TMEM114: variants seen among roughly 807,000 people sequenced by gnomAD.
The protein encoded by TMEM114 is claudin-26.
A neutral mutation model predicts 6.2 loss-of-function variants in TMEM114; 6 were observed. That is an observed-to-expected ratio of 0.97 (90% CI 0.53 to 1.91). The LOEUF is 1.91. Among genes scored for constraint, TMEM114 ranks in the 40% most tolerant of loss-of-function variants. The probability of loss-of-function intolerance (pLI) is 0.01; values close to 1 mark genes in which losing one functional copy is unlikely to be tolerated. For synonymous variants in TMEM114, 104 were observed against 73.0 expected (o/e 1.42, Z -2.16); for missense variants, 218 against 158.3 (o/e 1.38, Z -2.02).
Position 8,589,715 on chromosome 16 carries a change from T to C in TMEM114, c.124A>G (p.Arg42Gly). ...AGGTCCTGCGCCCCCGGGCCAGTCC[T>C]CTCCAGCCGCTCGGTGTCAATGATA... The part of the protein sequence containing the change: ...WYIIDTERLE[R>G]TGPGAQDLLG... The change falls in exon 1 of 4, where the codon AGG becomes GGG. Residue 42 changes from arginine (R) to glycine (G), a missense_variant. By Grantham distance (125) the Arg-to-Gly change is moderately radical. Coordinates refer to ENST00000620492, the MANE Select transcript of TMEM114 (RefSeq NM_001146336.2). The C allele has an allele frequency of 2.5e-6, 1 of 398,312 alleles. No individual in the cohort carries two copies. The highest frequency in any genetic ancestry group is 4.4e-6 in the Non-Finnish European group (1 of 225,972). The allele number at this position is 398,312 out of a possible 1,614,324, so 24.7% of individuals were successfully genotyped here.
chr16:8,551,513 T>A (rs1020703848), intron 2 of TMEM114, among the ~76,000 whole-genome samples: 3 of 152,112 alleles, frequency 2.0e-5, no homozygotes, highest in Non-Finnish European at 4.4e-5. Flanking sequence ...ATTCCACAAA[T>A]AAACAGTTGG....
chr16:8,565,804 C>T (rs1901523408), downstream of TMEM114, among the ~76,000 whole-genome samples: 1 of 152,150 alleles, frequency 6.6e-6, no homozygotes, highest in South Asian at 2.1e-4. Context: ...CCCAGGTCCG[C>T]CCTCGAGGGT....
chr16:8,575,731 G>A (rs192286460), intron 2 of TMEM114, among the ~76,000 whole-genome samples: 1 of 152,160 alleles, frequency 6.6e-6, no homozygotes. Context: ...GAGGTAAAAT[G>A]GACAAACTTC....
intron 2 of TMEM114, among the ~76,000 whole-genome samples, chr16:8,556,495 C>CGTT (rs145389529): frequency 0.014 from 2,173 of 151,886 alleles, 47 homozygotes; most frequent in African/African-American, 0.049. Flanking sequence ...CTTTATTTGT[C>CGTT]GTTGTTGTTG....
At chr16:8,554,109 G>A (rs1043225546) in intron 2 of TMEM114, among the ~76,000 whole-genome samples, 1 of 152,120 alleles carries the variant, frequency 6.6e-6, no homozygotes, top group Non-Finnish European at 1.5e-5. Flanking sequence ...GAACTCCTGA[G>A]CTCAGGTGAT....
At chr16:8,560,666 C>T (rs1901169571) in intron 2 of TMEM114, among the ~76,000 whole-genome samples, 1 of 151,132 alleles carries the variant, frequency 6.6e-6, no homozygotes, top group Non-Finnish European at 1.5e-5. Flanking sequence ...CAAGTCTTCT[C>T]CTTCTGTGGG....
At chr16:8,540,333 C>G (rs1900479742) in intron 2 of TMEM114, among the ~76,000 whole-genome samples, 1 of 152,116 alleles carries the variant, frequency 6.6e-6, no homozygotes, top group South Asian at 2.1e-4. Context: ...GCCACCTGAG[C>G]AGGAATCCCA....
chr16:8,568,285 G>T (rs550535020), downstream of TMEM114, among the ~76,000 whole-genome samples: 31 of 152,278 alleles, frequency 2.0e-4, no homozygotes, highest in African/African-American at 7.2e-4. Context: ...TGCCCCCCCA[G>T]TTGCTGGTGT....
downstream of TMEM114, among the ~76,000 whole-genome samples, chr16:8,535,451 G>C (rs558616239): frequency 2.6e-5 from 4 of 152,018 alleles, no homozygotes; most frequent in East Asian, 7.7e-4. Context: ...ACATTTGAAG[G>C]GAAGTTAATA....
chr16:8,573,504 G>A (rs1397396139), intron 2 of TMEM114, among the ~76,000 whole-genome samples: 1 of 152,116 alleles, frequency 6.6e-6, no homozygotes, highest in Non-Finnish European at 1.5e-5. Flanking sequence ...AGGTTTCAGG[G>A]TCTATACCTC....
At chr16:8,543,796 A>T (rs1216595773) in intron 2 of TMEM114, among the ~76,000 whole-genome samples, 1 of 152,214 alleles carries the variant, frequency 6.6e-6, no homozygotes, top group East Asian at 1.9e-4. Context: ...AATGTCTAGG[A>T]TAGAAAATGT....
intron 2 of TMEM114, among the ~76,000 whole-genome samples, chr16:8,585,485 C>G (rs992767926): frequency 2.0e-5 from 3 of 152,182 alleles, no homozygotes; most frequent in Non-Finnish European, 4.4e-5. Flanking sequence ...AGAGAACATG[C>G]TGCTTGTCGA....
chr16:8,545,583 C>G (rs1408130745), intron 2 of TMEM114, among the ~76,000 whole-genome samples: 1 of 152,164 alleles, frequency 6.6e-6, no homozygotes, highest in African/African-American at 2.4e-5. Context: ...TACTCAAATA[C>G]AGATTGCTGG....
intron 2 of TMEM114, among the ~76,000 whole-genome samples, chr16:8,553,981 C>A (rs1010385571): frequency 2.0e-5 from 3 of 151,682 alleles, no homozygotes; most frequent in African/African-American, 7.3e-5. Flanking sequence ...CAGGTTCAAG[C>A]GATTCTCATG....
At chr16:8,539,840 C>T (rs181948331) in intron 2 of TMEM114, among the ~76,000 whole-genome samples, 1 of 152,034 alleles carries the variant, frequency 6.6e-6, no homozygotes, top group Non-Finnish European at 1.5e-5. Context: ...TTTTTTTACA[C>T]AGAGTCTCGC....
chr16:8,550,689 A>C (rs1316507201), intron 2 of TMEM114, among the ~76,000 whole-genome samples: 3 of 66,264 alleles, frequency 4.5e-5, no homozygotes, highest in Non-Finnish European at 8.1e-5. Flanking sequence ...AAAAAACAAA[A>C]AAAAAAAAAC....
intron 2 of TMEM114, among the ~76,000 whole-genome samples, chr16:8,585,008 A>T (rs1328992871): frequency 6.6e-6 from 1 of 152,042 alleles, no homozygotes; most frequent in Non-Finnish European, 1.5e-5. Context: ...TTTATAAAGG[A>T]AAGAGGTTTA....
intron 2 of TMEM114, among the ~76,000 whole-genome samples, chr16:8,547,728 T>C (rs1271506265): frequency 6.6e-6 from 1 of 152,118 alleles, no homozygotes; most frequent in Non-Finnish European, 1.5e-5. Flanking sequence ...GTTGGCAAGG[T>C]TGTCTTCTCA....
chr16:8,547,483 C>G (rs1900707168), intron 2 of TMEM114, among the ~76,000 whole-genome samples: 1 of 151,494 alleles, frequency 6.6e-6, no homozygotes, highest in African/African-American at 2.4e-5. Context: ...ACCTCTGCCT[C>G]CTGGGTTCAA....
Sources: allele counts gnomAD v4.1 joint callset (sites outside exome capture counted in the v4.1 genomes callset), GRCh38; gene constraint gnomAD v4.1.1; transcripts MANE v1.5; gene names NCBI Gene and HGNC (gene_info 2026-07-23, HGNC 2026-07-21).